SKAP2: variants seen among roughly 807,000 people sequenced by gnomAD.
The protein encoded by SKAP2 is src kinase associated phosphoprotein 2.
In SKAP2, 28 loss-of-function variants were observed where a neutral mutation model predicts 54.9. The observed-to-expected ratio is 0.51, with a 90% CI of 0.38 to 0.70. The LOEUF (loss-of-function observed/expected upper bound fraction) is 0.70. SKAP2 is among the 30% of genes least tolerant of loss of function. The pLI, the probability that SKAP2 is intolerant of heterozygous loss-of-function variation, is 0.00. For synonymous variants in SKAP2, 137 were observed against 134.3 expected (o/e 1.02, Z -0.14); for missense variants, 356 against 424.1 (o/e 0.84, Z 1.41).
intron 11 of SKAP2, among the ~76,000 whole-genome samples, chr7:26,682,542 G>C (rs979347653): frequency 6.6e-6 from 1 of 152,078 alleles, no homozygotes; most frequent in Non-Finnish European, 1.5e-5. Context: ...TGGCGAACAG[G>C]GTCTTCTTTC....
chr7:26,658,839 C>G, the SKAP2 span, among the ~76,000 whole-genome samples: 1 of 146,132 alleles, frequency 6.8e-6, no homozygotes, highest in Non-Finnish European at 1.5e-5. Flanking sequence ...CACCCCCCCA[C>G]CAACTCCAAG....
chr7:26,765,226 A>T (rs1301682894), intron 4 of SKAP2, among the ~76,000 whole-genome samples: 1 of 152,188 alleles, frequency 6.6e-6, no homozygotes, highest in African/African-American at 2.4e-5. Flanking sequence ...TTCTCTAATG[A>T]CCAGTGATGA....
intron 4 of SKAP2, among the ~76,000 whole-genome samples, chr7:26,827,357 T>C (rs1444109026): frequency 2.0e-5 from 3 of 152,196 alleles, no homozygotes; most frequent in African/African-American, 7.2e-5. Context: ...ATATTCCAAA[T>C]GAAAAACTTT....
intron 4 of SKAP2, among the ~76,000 whole-genome samples, chr7:26,784,555 T>G (rs1783499284): frequency 6.6e-6 from 1 of 152,228 alleles, no homozygotes; most frequent in Admixed American, 6.5e-5. Context: ...CTAAAGGTGA[T>G]GAATCATTCA....
intron 4 of SKAP2, among the ~76,000 whole-genome samples, chr7:26,799,919 C>A (rs1170805152): frequency 6.6e-6 from 1 of 151,740 alleles, no homozygotes; most frequent in African/African-American, 2.4e-5. Flanking sequence ...GAGATAGAGA[C>A]CATCCTGGCT....
intron 4 of SKAP2, among the ~76,000 whole-genome samples, chr7:26,814,850 A>G (rs1784232285): frequency 6.6e-6 from 1 of 152,164 alleles, no homozygotes; most frequent in South Asian, 2.1e-4. Context: ...TGCAGATTCA[A>G]GAGTTTAAAA....
At chr7:26,808,993 A>G (rs144520411) in intron 4 of SKAP2, among the ~76,000 whole-genome samples, 184 of 152,380 alleles carry the variant, frequency 1.2e-3, no homozygotes, top group Admixed American at 1.6e-3. Flanking sequence ...GGAAACAATC[A>G]ACAGAGTGAA....
intron 4 of SKAP2, among the ~76,000 whole-genome samples, chr7:26,741,759 TA>T (rs978045578): frequency 6.6e-6 from 1 of 150,988 alleles, no homozygotes; most frequent in African/African-American, 2.4e-5. Flanking sequence ...AATTAAAAAT[TA>T]AAAAAAAGAA....
At chr7:26,658,638 G>C in the SKAP2 span, among the ~76,000 whole-genome samples, 5 of 151,874 alleles carry the variant, frequency 3.3e-5, no homozygotes, top group African/African-American at 9.7e-5. Context: ...CGTTTTCTTT[G>C]TTTGGCTTCT....
chr7:26,662,013 G>A, the SKAP2 span, among the ~76,000 whole-genome samples: 4 of 152,220 alleles, frequency 2.6e-5, no homozygotes, highest in Admixed American at 2.0e-4. Context: ...ACTAGAGAGT[G>A]AAACTAGAAT....
intron 4 of SKAP2, among the ~76,000 whole-genome samples, chr7:26,823,458 A>G (rs1784426165): frequency 6.6e-6 from 1 of 151,410 alleles, no homozygotes; most frequent in Non-Finnish European, 1.5e-5. Context: ...AGCAAAAAGC[A>G]AAACAGCCTA....
intron 1 of SKAP2, among the ~76,000 whole-genome samples, chr7:26,856,136 G>A (rs1417928903): frequency 6.6e-6 from 1 of 151,918 alleles, no homozygotes; most frequent in Non-Finnish European, 1.5e-5. Context: ...ATGTGTACAG[G>A]TAATTTTTCA....
At chr7:26,731,558 TA>T (rs1395891247) in intron 6 of SKAP2, among the ~76,000 whole-genome samples, 1 of 152,214 alleles carries the variant, frequency 6.6e-6, no homozygotes, top group Non-Finnish European at 1.5e-5. Context: ...TCTCTACTTT[TA>T]GTTCATTTTC....
At chr7:26,757,245 C>A (rs532513225) in intron 4 of SKAP2, among the ~76,000 whole-genome samples, 2 of 152,238 alleles carry the variant, frequency 1.3e-5, no homozygotes, top group African/African-American at 4.8e-5. Context: ...GAAGTCCTTG[C>A]CCATGCCTAT....
At chr7:26,795,621 T>C (rs540202531) in intron 4 of SKAP2, among the ~76,000 whole-genome samples, 9 of 152,166 alleles carry the variant, frequency 5.9e-5, no homozygotes, top group African/African-American at 1.4e-4. Flanking sequence ...ATATAAACAA[T>C]AGCATCATTT....
At chr7:26,791,918 A>G (rs76785313) in intron 4 of SKAP2, among the ~76,000 whole-genome samples, 4,935 of 152,294 alleles carry the variant, frequency 0.032, 248 homozygotes, top group African/African-American at 0.11. Context: ...TTTTATTCCT[A>G]TTAGTCAAAA....
chr7:26,803,051 T>TAGTCTGGA (rs1277116803), intron 4 of SKAP2, among the ~76,000 whole-genome samples: 1 of 152,094 alleles, frequency 6.6e-6, no homozygotes, highest in Non-Finnish European at 1.5e-5. Context: ...TCCAGGACAT[T>TAGTCTGGA]AGTCTGGGTA....
intron 4 of SKAP2, among the ~76,000 whole-genome samples, chr7:26,827,068 T>C (rs1334747911): frequency 6.6e-6 from 1 of 152,156 alleles, no homozygotes; most frequent in Non-Finnish European, 1.5e-5. Context: ...CTTTTCCCCG[T>C]GGTAAGAAAT....
chr7:26,784,862 T>C lies in SKAP2; in HGVS notation c.308-44898A>G, dbSNP rs147690164. On this transcript the variant is annotated intron_variant, in intron 4 of 12. Transcript: ENST00000345317. Reference sequence around the variant, plus strand: ...GGGAAGTATACTGATGTCTGCAATTTACCTTGAAATGCATCAAAAAACTGT... The same window carrying C: ...GGGAAGTATACTGATGTCTGCAATTCACCTTGAAATGCATCAAAAAACTGT... Among the ~76,000 whole-genome samples, 524 of 152,308 alleles carry C rather than the reference T, an allele frequency of 3.4e-3. 4 individuals are homozygous for C. The highest frequency in any genetic ancestry group is 5.0e-3 in the Non-Finnish European group (343 of 68,026).
Sources: gnomAD v4.1 joint callset for allele counts (sites outside exome capture counted in the v4.1 genomes callset) on GRCh38, gnomAD v4.1.1 for gene constraint, MANE v1.5 for transcripts, NCBI Gene and HGNC (gene_info 2026-07-23, HGNC 2026-07-21) for gene names.